Variants in CDH12 observed in about 807,000 individuals in gnomAD.
CDH12 encodes cadherin-12.
Under a neutral mutation model 74.1 loss-of-function variants are expected in CDH12, and 41 were observed. The observed-to-expected ratio is 0.55, with a 90% CI of 0.43 to 0.72. The LOEUF (loss-of-function observed/expected upper bound fraction) is 0.72, where lower values mean the gene tolerates loss of function less well. Ranked by LOEUF, CDH12 falls within the 30% of genes least tolerant of loss-of-function variation. The pLI is 0.00. For synonymous variants in CDH12, 399 were observed against 355.0 expected (o/e 1.12, Z -1.39); for missense variants, 945 against 977.2 (o/e 0.97, Z 0.44).
chr5:22,624,852 C>T (rs1455668357), intron 1 of CDH12, among the ~76,000 whole-genome samples: 1 of 152,172 alleles, frequency 6.6e-6, no homozygotes, highest in Non-Finnish European at 1.5e-5. Context: ...TATAAAGACA[C>T]ATGCACACGT....
At chr5:21,835,327 A>G (rs563007782) in intron 8 of CDH12, among the ~76,000 whole-genome samples, 1 of 151,898 alleles carries the variant, frequency 6.6e-6, no homozygotes, top group East Asian at 1.9e-4. Flanking sequence ...ATAAAGAATT[A>G]TGAATGCTCA....
intron 4 of CDH12, among the ~76,000 whole-genome samples, chr5:22,207,032 T>G (rs916284934): frequency 1.5e-4 from 22 of 150,574 alleles, no homozygotes; most frequent in Admixed American, 1.2e-3. Context: ...GCTAACATGG[T>G]GAAACCCTGT....
intron 2 of CDH12, among the ~76,000 whole-genome samples, chr5:22,493,400 A>G (rs1746968520): frequency 6.6e-6 from 1 of 152,226 alleles, no homozygotes; most frequent in Non-Finnish European, 1.5e-5. Flanking sequence ...AAATAGGTGC[A>G]TGAAATATAT....
chr5:22,327,211 G>C (rs975602754), intron 3 of CDH12, among the ~76,000 whole-genome samples: 3 of 151,678 alleles, frequency 2.0e-5, no homozygotes, highest in African/African-American at 7.3e-5. Flanking sequence ...AGGACTCCTG[G>C]GAAATGAAAG....
At chr5:22,429,577 A>G (rs1015452337) in intron 2 of CDH12, among the ~76,000 whole-genome samples, 3 of 152,148 alleles carry the variant, frequency 2.0e-5, no homozygotes, top group Non-Finnish European at 2.9e-5. Flanking sequence ...CATCAGCACC[A>G]TCCTATCATT....
At chr5:22,580,008 G>T (rs927408374) in intron 1 of CDH12, among the ~76,000 whole-genome samples, 1 of 151,800 alleles carries the variant, frequency 6.6e-6, no homozygotes, top group Non-Finnish European at 1.5e-5. Context: ...TTTTTTCCCC[G>T]CTCACATTAA....
chr5:22,184,246 GT>G (rs1561198392), intron 4 of CDH12, among the ~76,000 whole-genome samples: 1 of 152,088 alleles, frequency 6.6e-6, no homozygotes, highest in Non-Finnish European at 1.5e-5. Flanking sequence ...AGATAATAAA[GT>G]TATTCTTGAT....
At chr5:22,278,767 A>G (rs1736751139) in intron 3 of CDH12, among the ~76,000 whole-genome samples, 1 of 152,312 alleles carries the variant, frequency 6.6e-6, no homozygotes, top group African/African-American at 2.4e-5. Context: ...TTTCTGTCCT[A>G]CTTCTGAAGA....
intron 5 of CDH12, among the ~76,000 whole-genome samples, chr5:22,062,907 A>G (rs1741290046): frequency 6.6e-6 from 1 of 152,190 alleles, no homozygotes; most frequent in Admixed American, 6.6e-5. Context: ...GAAAGCTCAC[A>G]CTTTCAAAGT....
At position 21,842,164 on chromosome 5, in the gene CDH12, T is replaced by C; in HGVS notation, c.811A>G (p.Lys271Glu). The C allele has an allele frequency of 6.2e-7, 1 of 1,607,288 alleles. No homozygotes were observed. Among genetic ancestry groups the C allele is most frequent in the Non-Finnish European group, 8.5e-7 (1 of 1,177,484 alleles). The change falls in exon 8 of 15, where the codon AAA becomes GAA. Residue 271 changes from lysine to glutamate, a missense_variant. By Grantham distance (56) the Lys-to-Glu change is moderately conservative. Around this residue, in one of 3 missense-constraint regions of CDH12, gnomAD observed 791 missense variants for 792.8 expected, o/e 1.00. Coordinates refer to ENST00000382254, the MANE Select transcript of CDH12 (RefSeq NM_004061.5). Reference sequence around the variant, plus strand: ...CTTAACAGGAAAGGTGACATACTTTTGGGGAATCGAGGTGGATTGTCATTG... The same window carrying C: ...CTTAACAGGAAAGGTGACATACTTTCGGGGAATCGAGGTGGATTGTCATTG... ...DVNDNPPRFP[K>E]SIFHLKVPES...
chr5:22,009,652 T>C (rs1737173022), intron 5 of CDH12, among the ~76,000 whole-genome samples: 3 of 152,108 alleles, frequency 2.0e-5, no homozygotes, highest in Admixed American at 2.0e-4. Context: ...AATTTTGACA[T>C]TTTTATTTTT....
At chr5:21,884,305 T>G in intron 6 of CDH12, 1 of 1,364,434 alleles carries the variant, frequency 7.3e-7, no homozygotes, top group South Asian at 1.2e-5. Context: ...GGAGGTGGCA[T>G]GTTCTAACTC....
At chr5:21,772,648 T>C (rs2149885270) in intron 11 of CDH12, among the ~76,000 whole-genome samples, 1 of 152,330 alleles carries the variant, frequency 6.6e-6, no homozygotes, top group East Asian at 1.9e-4. Context: ...TACTATATCA[T>C]ATTGAATCTA....
chr5:22,775,222 G>A (rs906154817), intron 1 of CDH12, among the ~76,000 whole-genome samples: 16 of 152,036 alleles, frequency 1.1e-4, no homozygotes, highest in Non-Finnish European at 4.4e-5. Context: ...CTGGACAGCA[G>A]GAGGTATGTT....
chr5:22,319,848 A>C (rs1738792969), intron 3 of CDH12, among the ~76,000 whole-genome samples: 1 of 151,756 alleles, frequency 6.6e-6, no homozygotes, highest in Non-Finnish European at 1.5e-5. Flanking sequence ...AGGGGAAGGA[A>C]GAGGAGGGAG....
chr5:22,682,979 A>C (rs952758692), intron 1 of CDH12, among the ~76,000 whole-genome samples: 1 of 152,142 alleles, frequency 6.6e-6, no homozygotes, highest in Admixed American at 6.6e-5. Context: ...TGAGGAACTC[A>C]CATTGGCTTC....
At position 22,600,021 on chromosome 5, in the gene CDH12, C is replaced by A. The variant is rs112346200; in HGVS notation, c.-522-94657G>T. Reference sequence around the variant, plus strand: ...ATTAAAATACTTAAAATATTATTCACAGATTGTCTCAATGGGGAAAAAAAG... The same window carrying A: ...ATTAAAATACTTAAAATATTATTCAAAGATTGTCTCAATGGGGAAAAAAAG... On this transcript the variant is annotated intron_variant, in intron 1 of 14. Transcript: ENST00000382254. 5.6e-3 allele frequency among the ~76,000 whole-genome samples: 854 copies of A among 152,124 alleles called. 9 individuals are homozygous for A. The highest frequency in any genetic ancestry group is 0.02 in the African/African-American group (821 of 41,492).
At chr5:22,651,323 A>G (rs1314097788) in intron 1 of CDH12, among the ~76,000 whole-genome samples, 1 of 152,074 alleles carries the variant, frequency 6.6e-6, no homozygotes, top group African/African-American at 2.4e-5. Context: ...TGCTCTAAAG[A>G]ACTCCCCAAG....
intron 1 of CDH12, among the ~76,000 whole-genome samples, chr5:22,639,268 A>T (rs1739011054): frequency 6.6e-6 from 1 of 151,848 alleles, no homozygotes; most frequent in South Asian, 2.1e-4. Context: ...GAATCATGGC[A>T]CGGAGCAGAG....
Sources: gnomAD v4.1 joint callset for allele counts (sites outside exome capture counted in the v4.1 genomes callset) on GRCh38, gnomAD v4.1.1 for gene constraint, gnomAD v4.1.1 regional missense constraint, MANE v1.5 for transcripts, NCBI Gene and HGNC (gene_info 2026-07-23, HGNC 2026-07-21) for gene names.